The following MUC5B variants were observed in gnomAD, a reference collection of about 807,000 sequenced individuals.
MUC5B encodes the protein mucin 5B, oligomeric mucus/gel-forming.
MUC5B carries 116 observed loss-of-function variants against 376.9 expected under a neutral mutation model. That is an observed-to-expected ratio of 0.31 (90% CI 0.26 to 0.36). The LOEUF (loss-of-function observed/expected upper bound fraction) is 0.36, where lower values mean the gene tolerates loss of function less well. Among genes scored for constraint, MUC5B ranks in the 10% least tolerant of loss-of-function variants. The probability of loss-of-function intolerance (pLI) is 1.00; values close to 1 mark genes in which losing one functional copy is unlikely to be tolerated. For missense variants in MUC5B, 7,165 were observed against 7,769.9 expected (o/e 0.92, Z 2.93); for synonymous variants, 3,517 against 3,390.9 (o/e 1.04, Z -1.29).
rs56293203 is a variant in MUC5B at position 1,226,857 on chromosome 11, G to A, written c.442G>A (p.Val148Ile). 9.8e-3 allele frequency: 15,719 copies of A among 1,607,016 alleles called. 99 individuals are homozygous for A. Among genetic ancestry groups the A allele is most frequent in the Middle Eastern group, 0.024 (147 of 6,058 alleles). ...GGTGCTGGAGGCGTCCAACGGCTCC[G>A]TCCTCATCAATGGGCAGCGGTGAGC... ...GLVLEASNGS[V>I]LINGQREELP... Residue 148 changes from valine (V) to isoleucine (I), a missense_variant, in exon 4 of 49, where the codon GTC becomes ATC. This residue lies in a region of MUC5B where 640 missense variants were observed against 733.0 expected (regional missense o/e 0.87). Coordinates refer to ENST00000529681, the MANE Select transcript of MUC5B (RefSeq NM_002458.3).
chr11:1,259,420 T>G, intron 44 of MUC5B: 1 of 494,642 alleles, frequency 2.0e-6, no homozygotes, highest in Non-Finnish European at 3.7e-6. Context: ...GTTCTCTAGC[T>G]CAGCCATTGC....
At position 1,247,901 on chromosome 11, in the gene MUC5B, C is replaced by T. The variant is rs570186533; in HGVS notation, c.11021C>T (p.Thr3674Ile). The T allele has an allele frequency of 3.4e-5, 54 of 1,611,640 alleles. No homozygotes were observed. In the African/African-American group the frequency reaches 6.4e-4, roughly 19 times the overall value. The change falls in exon 31 of 49, where the codon ACC (threonine) becomes ATC (isoleucine). Residue 3674 changes from threonine (T) to isoleucine (I), a missense_variant. Physicochemically the swap from Thr to Ile is moderately conservative, Grantham distance 89 (BLOSUM62 -1). Around this residue, in one of 31 missense-constraint regions of MUC5B, gnomAD observed 90 missense variants for 71.1 expected, o/e 1.27. Transcript: ENST00000529681. ...FCCNYGHCPSTPATSSTATPS... is the reference protein window; with the variant it reads ...FCCNYGHCPSIPATSSTATPS... Reference sequence around the variant, plus strand: ...TGCAACTACGGCCACTGCCCCAGCACCCCGGCCACCAGCTCTACGGCCACG... The same window carrying T: ...TGCAACTACGGCCACTGCCCCAGCATCCCGGCCACCAGCTCTACGGCCACG...
chr11:1,240,961 T>C lies in MUC5B; in HGVS notation c.4081T>C (p.Phe1361Leu). 6.2e-7 allele frequency: 1 copy of C among 1,613,372 alleles called. No individual in the cohort carries two copies. The highest frequency in any genetic ancestry group is 8.5e-7 in the Non-Finnish European group (1 of 1,179,810). Residue 1361 changes from phenylalanine to leucine, a missense_variant, in exon 31 of 49, where the codon TTT becomes CTT. By Grantham distance (22) the Phe-to-Leu change is conservative. Around this residue, in one of 31 missense-constraint regions of MUC5B, gnomAD observed 517 missense variants for 545.3 expected, o/e 0.95. Coordinates refer to ENST00000529681, the MANE Select transcript of MUC5B (RefSeq NM_002458.3). ...CCTGGGAGGCGGAGACTTTGAGACG[T>C]TTGAAAACCTGAGGCAGAGAGGGTA... ...PGLGGGDFET[F>L]ENLRQRGYQV...
chr11:1,230,931 C>A lies in MUC5B; in HGVS notation c.1471-5C>A. ...AGCTGACCTCCCGCCCGCCTCCTTC[C>A]GCAGGCCATCCGGGTCCAAGCGGAC... On this transcript the variant is annotated splice_polypyrimidine_tract_variant and splice_region_variant and intron_variant, in intron 12 of 48. Coordinates refer to ENST00000529681, the MANE Select transcript of MUC5B (RefSeq NM_002458.3). 6.3e-7 allele frequency: 1 copy of A among 1,586,106 alleles called. No homozygotes were observed. Among genetic ancestry groups the A allele is most frequent in the East Asian group, 2.3e-5 (1 of 43,124 alleles).
intron 25 of MUC5B, 36 bp from the exon 26 acceptor site, chr11:1,238,835 T>C (rs1463599568): frequency 1.3e-6 from 2 of 1,535,410 alleles, no homozygotes; most frequent in Admixed American, 2.0e-5. Flanking sequence ...GGGGGGCCAT[T>C]GTCCCGGCTG....
chr11:1,238,908 A>ACG lies in MUC5B; in HGVS notation c.3338_3339dup (p.Cys1114ArgfsTer64). 1 of 1,567,936 alleles carries ACG rather than the reference A, an allele frequency of 6.4e-7. No homozygotes were observed. Among genetic ancestry groups the ACG allele is most frequent in the Non-Finnish European group, 8.6e-7 (1 of 1,156,412 alleles). On this transcript the variant is annotated frameshift_variant, in exon 26 of 49. Coordinates refer to ENST00000529681, the MANE Select transcript of MUC5B (RefSeq NM_002458.3). LOFTEE classifies it high-confidence loss of function. Reference sequence around the variant, plus strand: ...AAGTACTACGAGGCCTGCGTGAACGACGCGTGTGCCTGCGACTCGGGTGGC... The same window carrying ACG: ...AAGTACTACGAGGCCTGCGTGAACGACGCGCGTGTGCCTGCGACTCGGGTGGC...
intron 8 of MUC5B, 142 bp from the exon 9 acceptor site, chr11:1,229,027 AG>A: frequency 2.0e-6 from 2 of 1,000,638 alleles, no homozygotes; most frequent in Non-Finnish European, 2.8e-6. Context: ...GCCCACGATG[AG>A]GGGCGTCAGG....
Position 1,248,884 on chromosome 11 carries a change from C to T in MUC5B, c.12004C>T (p.Pro4002Ser), listed in dbSNP as rs1221036519. ...CTCTGCCCTAGGGACCACCCACACACCCCCAGTGCCGAACACCACGGCCAC... is the reference window on the plus strand; with the variant it reads ...CTCTGCCCTAGGGACCACCCACACATCCCCAGTGCCGAACACCACGGCCAC... Reference protein sequence around the residue: ...PSSALGTTHTPPVPNTTATTH... With the variant: ...PSSALGTTHTSPVPNTTATTH... The change falls in exon 31 of 49, where the codon CCC becomes TCC. Residue 4002 changes from proline (P) to serine (S), a missense_variant. By Grantham distance (74) the Pro-to-Ser change is moderately conservative. This residue lies in a region of MUC5B where 47 missense variants were observed against 98.5 expected (regional missense o/e 0.48). Transcript: ENST00000529681. 4 of 1,549,538 alleles carry T rather than the reference C, an allele frequency of 2.6e-6. No individual in the cohort carries two copies. The African/African-American group carries it at 5.5e-5, about 21-fold the overall frequency.
rs779940202 is a variant in MUC5B, at chr11:1,242,935, A to G, written c.6055A>G (p.Thr2019Ala). ...TPSSTPETAH[T>A]STVLTATATT... ...CTCCTCCACTCCAGAGACTGCCCAC[A>G]CCTCCACAGTGCTTACCGCCACGGC... Residue 2019 changes from threonine (T) to alanine (A), a missense_variant, in exon 31 of 49, where the codon ACC (threonine) becomes GCC (alanine). Coordinates refer to ENST00000529681, the MANE Select transcript of MUC5B (RefSeq NM_002458.3). 7 of 1,610,384 alleles carry G rather than the reference A, an allele frequency of 4.3e-6. No individual in the cohort carries two copies. In the East Asian group the frequency reaches 8.9e-5, roughly 21 times the overall value.
At chr11:1,226,302 C>T (rs550866781) in intron 3 of MUC5B, 26 bp downstream of exon 3, 56 of 1,548,974 alleles carry the variant, frequency 3.6e-5, no homozygotes, top group South Asian at 3.3e-4. Context: ...CCCTGCCAGC[C>T]GGGAAGGGGG....
chr11:1,254,385 C>G, intron 34 of MUC5B, 34 bp downstream of exon 34: 41 of 1,591,678 alleles, frequency 2.6e-5, no homozygotes, highest in Non-Finnish European at 3.4e-5. Context: ...CAGTGTTGGC[C>G]CAGTCCCAAC....
chr11:1,259,513 C>G, intron 44 of MUC5B: 1 of 582,480 alleles, frequency 1.7e-6, no homozygotes. Context: ...GACCTGCAGG[C>G]TGCTGGGGAC....
At chr11:1,227,866 C>T (rs1861924248) in intron 7 of MUC5B, 85 bp downstream of exon 7, 4 of 642,554 alleles carry the variant, frequency 6.2e-6, no homozygotes, top group African/African-American at 3.6e-5. Context: ...GGAATGTTCC[C>T]AGCTGGTGGA....
At position 1,253,037 on chromosome 11, in the gene MUC5B, G is replaced by A. The variant is rs117984222; in HGVS notation, c.15217+57G>A. On this transcript the variant is annotated intron_variant, in intron 33 of 48. Coordinates refer to ENST00000529681, the MANE Select transcript of MUC5B (RefSeq NM_002458.3). The surrounding 1 kb of genome is among the most constrained non-coding windows in gnomAD (Gnocchi z 4.3). ...GGGGGCAGGTGGAGCAGAGTGCACC[G>A]TCGGCTAGGCTGGCAGAATGGGGCA... 47,268 of 1,597,884 alleles carry A rather than the reference G, an allele frequency of 0.03. 901 individuals carry two copies. The highest frequency in any genetic ancestry group is 0.033 in the Non-Finnish European group (38,200 of 1,170,340).
rs755567362 is a variant in MUC5B at position 1,241,020 on chromosome 11, C to T, written c.4140C>T (p.Cys1380=). 1 of 1,612,718 alleles carries T rather than the reference C, an allele frequency of 6.2e-7. No homozygotes were observed. Among genetic ancestry groups the T allele is most frequent in the South Asian group, 1.1e-5 (1 of 91,086 alleles). The change falls in exon 31 of 49, where the codon TGC becomes TGT. Residue 1380 remains cysteine (C), a synonymous_variant. Transcript: ENST00000529681. ...GCCCTGTGCTGGCTGACATCGAGTG[C>T]CGGGCGGCGCAGCTTCCCGACATGC... is the stretch of plus-strand genomic sequence containing the variant. The part of the protein sequence containing the change: ...QVCPVLADIE[C]RAAQLPDMPL...
chr11:1,241,348 C>T lies in MUC5B; in HGVS notation c.4468C>T (p.Pro1490Ser), dbSNP rs766368123. 13 of 1,611,864 alleles carry T rather than the reference C, an allele frequency of 8.1e-6. No homozygotes were observed. In the East Asian group the frequency reaches 2.5e-4, roughly 30 times the overall value. The change falls in exon 31 of 49, where the codon CCC becomes TCC. Residue 1490 changes from proline (P) to serine (S), a missense_variant. Physicochemically the swap from Pro to Ser is moderately conservative, Grantham distance 74. Transcript: ENST00000529681. ...CTCGCAGACTGGGTCCAGCTCAGGC[C>T]CCGTGACGGTCACCCCCTCGGCCCC... ...LTSQTGSSSG[P>S]VTVTPSAPGT...
chr11:1,250,482 G>T lies in MUC5B; in HGVS notation c.13602G>T (p.Trp4534Cys), dbSNP rs748536582. ...CCTCCTCCTCCCTGGGCACCACCTG[G>T]ACCCGCCTATCACAGACCACCACAC... is the stretch of plus-strand genomic sequence containing the variant. ...AIPSSSLGTT[W>C]TRLSQTTTPT... The change falls in exon 31 of 49, where the codon TGG (tryptophan) becomes TGT (cysteine). Residue 4534 changes from tryptophan (W) to cysteine (C), a missense_variant. Around this residue, in one of 31 missense-constraint regions of MUC5B, gnomAD observed 431 missense variants for 390.4 expected, o/e 1.10. Transcript: ENST00000529681. 8.2e-6 allele frequency: 13 copies of T among 1,591,072 alleles called. No individual in the cohort carries two copies. The East Asian group carries it at 2.5e-4, about 30-fold the overall frequency.
chr11:1,253,157 G>A lies in MUC5B; in HGVS notation c.15217+177G>A, dbSNP rs372018358. 15 of 757,274 alleles carry A rather than the reference G, an allele frequency of 2.0e-5. No individual in the cohort carries two copies. The African/African-American group carries it at 2.6e-4, about 13-fold the overall frequency. 46.9% of individuals were successfully genotyped at this position (757,274 alleles called of 1,614,324 possible). The stretch of plus-strand genomic sequence containing the variant: ...ATGGTGGGGCATGGTGGGGTGTGGT[G>A]GTGGTGTTTGGGAGATCGCTGGCAT... On this transcript the variant is annotated intron_variant, in intron 33 of 48. Transcript: ENST00000529681. This position sits in a 1 kb window ranked among gnomAD's most constrained non-coding sequence, Gnocchi z 4.3.
Position 1,243,704 on chromosome 11 carries a change from A to C in MUC5B, c.6824A>C (p.His2275Pro), listed in dbSNP as rs1324073445. The change falls in exon 31 of 49, where the codon CAC (histidine) becomes CCC (proline). Residue 2275 changes from histidine (H) to proline (P), a missense_variant. By Grantham distance (77) the His-to-Pro change is moderately conservative. Around this residue, in one of 31 missense-constraint regions of MUC5B, gnomAD observed 79 missense variants for 63.0 expected, o/e 1.25. Coordinates refer to ENST00000529681, the MANE Select transcript of MUC5B (RefSeq NM_002458.3). ...PPSPGTTTPG[H>P]TTATSRTTAT... ...TCTCCAGGGACGACCACCCCGGGCC[A>C]CACCACGGCCACCTCCAGGACCACA... 2.5e-6 allele frequency: 4 copies of C among 1,610,206 alleles called. No individual in the cohort carries two copies. In the South Asian group the frequency reaches 4.4e-5, roughly 18 times the overall value.
Sources: gnomAD v4.1 joint callset for allele counts on GRCh38, gnomAD v4.1.1 for gene constraint, gnomAD v4.1.1 regional missense constraint, Gnocchi (gnomAD v3.1) non-coding constraint, MANE v1.5 for transcripts, NCBI Gene and HGNC (gene_info 2026-07-23, HGNC 2026-07-21) for gene names.